The following PGBD5 variants were observed in gnomAD, a reference collection of about 807,000 sequenced individuals.
PGBD5 encodes piggyBac transposable element-derived protein 5.
In PGBD5, 14 loss-of-function variants were observed where a neutral mutation model predicts 47.9. The ratio of observed to expected loss-of-function variants is 0.29; its 90% CI spans 0.19 to 0.46. The LOEUF (loss-of-function observed/expected upper bound fraction) is 0.46, where lower values mean the gene tolerates loss of function less well. Among genes scored for constraint, PGBD5 ranks in the 20% least tolerant of loss-of-function variants. The pLI, the probability that PGBD5 is intolerant of heterozygous loss-of-function variation, is 1.00. For missense variants in PGBD5, 635 were observed against 716.0 expected (o/e 0.89, Z 1.29); for synonymous variants, 316 against 306.3 (o/e 1.03, Z -0.33).
rs1443476321 is a variant in PGBD5 at position 230,323,191 on chromosome 1, TCATCA to T, written c.*229_*233del. 1.8e-6 allele frequency: 1 copy of T among 543,288 alleles called. No homozygotes were observed. The highest frequency in any genetic ancestry group is 1.9e-5 in the African/African-American group (1 of 52,888). The allele number at this position is 543,288 out of a possible 1,614,324, so 33.7% of individuals were successfully genotyped here. A position where few individuals can be genotyped will look rare whatever the true frequency, so the allele number is the denominator to read the frequency against. ...CCCTTGAGAACGTGGGTGTAAGTGCTCATCACACCGGCGGCACTGTTTCTCGAGGG... is the reference window on the plus strand; with the variant it reads ...CCCTTGAGAACGTGGGTGTAAGTGCTCACCGGCGGCACTGTTTCTCGAGGG... On this transcript the variant is annotated 3_prime_UTR_variant, in exon 7 of 7. Coordinates refer to ENST00000391860, the MANE Select transcript of PGBD5 (RefSeq NM_001258311.2). The surrounding 1 kb of genome is among the most constrained non-coding windows in gnomAD (Gnocchi z 4.1).
At chr1:230,338,273 G>A (rs1378368088) in intron 3 of PGBD5, among the ~76,000 whole-genome samples, 4 of 152,250 alleles carry the variant, frequency 2.6e-5, no homozygotes, top group Non-Finnish European at 2.9e-5. Context: ...TAGTTCTGTA[G>A]GCTGGAGGTC....
intron 2 of PGBD5, among the ~76,000 whole-genome samples, chr1:230,356,510 C>T (rs1667647727): frequency 1.3e-5 from 2 of 152,166 alleles, no homozygotes; most frequent in Admixed American, 6.5e-5. Flanking sequence ...ACCCAGGAGG[C>T]TTCTAGCCTC....
intron 1 of PGBD5, among the ~76,000 whole-genome samples, chr1:230,390,488 T>C (rs1237108581): frequency 1.3e-5 from 2 of 152,248 alleles, no homozygotes; most frequent in Admixed American, 1.3e-4. Flanking sequence ...TGTTTGACAA[T>C]AGTTGTGTTA....
chr1:230,370,250 G>A (rs185307756), intron 1 of PGBD5, among the ~76,000 whole-genome samples: 54 of 152,332 alleles, frequency 3.5e-4, no homozygotes, highest in Admixed American at 3.5e-3. Context: ...CCTCCAGGCT[G>A]TTGGCACCAT....
rs1194553206 is a variant in PGBD5 at position 230,318,579 on chromosome 1, A to G, written c.*4846T>C. On this transcript the variant is annotated 3_prime_UTR_variant, in exon 7 of 7. Transcript: ENST00000391860. Reference sequence around the variant, plus strand: ...ACTTCTTTCGTTTGGAACTCCCACTACACAAGGCTAAGGCTTTCCACAGCC... The same window carrying G: ...ACTTCTTTCGTTTGGAACTCCCACTGCACAAGGCTAAGGCTTTCCACAGCC... 1.3e-5 allele frequency: 2 copies of G among 152,354 alleles called. No homozygotes were observed. The highest frequency in any genetic ancestry group is 2.9e-5 in the Non-Finnish European group (2 of 68,054). The allele number at this position is 152,354 out of a possible 1,614,324, so 9.4% of individuals were successfully genotyped here.
intron 1 of PGBD5, among the ~76,000 whole-genome samples, chr1:230,405,451 T>C (rs999592565): frequency 6.6e-6 from 1 of 152,240 alleles, no homozygotes; most frequent in Non-Finnish European, 1.5e-5. Flanking sequence ...ATAATATTTT[T>C]TTCTCTAGCT....
rs1667668465 is a variant in PGBD5 at position 230,357,399 on chromosome 1, C to T, written c.332-78G>A. On this transcript the variant is annotated intron_variant, in intron 1 of 6. Coordinates refer to ENST00000391860, the MANE Select transcript of PGBD5 (RefSeq NM_001258311.2). This position sits in a 1 kb window ranked among gnomAD's most constrained non-coding sequence, Gnocchi z 5.7. ...CTCGACACGAGAACGGCTGCATTTCCAATCCCTGGGTCCCTGGCCGAGTGC... is the reference window on the plus strand; with the variant it reads ...CTCGACACGAGAACGGCTGCATTTCTAATCCCTGGGTCCCTGGCCGAGTGC... 6.7e-7 allele frequency: 1 copy of T among 1,491,310 alleles called. No homozygotes were observed. The allele number at this position is 1,491,310 out of a possible 1,614,324, so 92.4% of individuals were successfully genotyped here. A position where few individuals can be genotyped will look rare whatever the true frequency, so the allele number is the denominator to read the frequency against.
At chr1:230,345,487 C>A (rs553961944) in intron 3 of PGBD5, among the ~76,000 whole-genome samples, 2 of 152,336 alleles carry the variant, frequency 1.3e-5, no homozygotes, top group South Asian at 4.1e-4. Context: ...GCTCACAAGC[C>A]CTCTGCAAAC....
In PGBD5 at chr1:230,317,211, G is replaced by A. The variant is rs1433211379; in HGVS notation, c.*6214C>T. Reference sequence around the variant, plus strand: ...CCCTCAAGGGCACAGACCACGTTGGGGTAACACGTGCCCAGTTCTTAGCAC... The same window carrying A: ...CCCTCAAGGGCACAGACCACGTTGGAGTAACACGTGCCCAGTTCTTAGCAC... On this transcript the variant is annotated 3_prime_UTR_variant, in exon 7 of 7. Transcript: ENST00000391860. The A allele has an allele frequency of 6.6e-6, 1 of 152,244 alleles. No individual in the cohort carries two copies. Among genetic ancestry groups the A allele is most frequent in the East Asian group, 1.9e-4 (1 of 5,184 alleles). The allele number at this position is 152,244 out of a possible 1,614,324, so 9.4% of individuals were successfully genotyped here. A position where few individuals can be genotyped will look rare whatever the true frequency, so the allele number is the denominator to read the frequency against.
At chr1:230,414,089 A>C (rs947603656) in intron 1 of PGBD5, among the ~76,000 whole-genome samples, 5 of 152,186 alleles carry the variant, frequency 3.3e-5, no homozygotes, top group Non-Finnish European at 5.9e-5. Context: ...GTTTGGGATT[A>C]CGAACATTGG....
intron 2 of PGBD5, among the ~76,000 whole-genome samples, chr1:230,354,369 G>A (rs1035371372): frequency 6.6e-6 from 1 of 152,086 alleles, no homozygotes; most frequent in African/African-American, 2.4e-5. Context: ...GAGGCCTGGA[G>A]GTCAGCTTCT....
intron 6 of PGBD5, among the ~76,000 whole-genome samples, 164 bp downstream of exon 6, chr1:230,325,146 C>T (rs1462307226): frequency 2.6e-5 from 4 of 152,202 alleles, no homozygotes; most frequent in Admixed American, 1.3e-4. Context: ...CATGTGTGCA[C>T]AGGCGAGGCC....
Position 230,369,547 on chromosome 1 carries a change from C to T in PGBD5, c.332-12226G>A, listed in dbSNP as rs575658636. 2.6e-5 allele frequency among the ~76,000 whole-genome samples: 4 copies of T among 152,330 alleles called. No individual in the cohort carries two copies. The South Asian group carries it at 6.2e-4, about 24-fold the overall frequency. On this transcript the variant is annotated intron_variant, in intron 1 of 6. Coordinates refer to ENST00000391860, the MANE Select transcript of PGBD5 (RefSeq NM_001258311.2). ...ATGCCAGTCACCTGCCAAAGGTGCG[C>T]AGCCCTGCTCTGATTGACCCCACAC...
intron 1 of PGBD5, among the ~76,000 whole-genome samples, chr1:230,382,640 G>A (rs568661086): frequency 5.3e-5 from 8 of 152,314 alleles, no homozygotes; most frequent in African/African-American, 1.9e-4. Flanking sequence ...AAACTAGGGT[G>A]GTTGGTCACC....
Position 230,387,828 on chromosome 1 carries a change from AG to A in PGBD5, c.332-30508del, listed in dbSNP as rs576489542. On this transcript the variant is annotated intron_variant, in intron 1 of 6. Transcript: ENST00000391860. Reference sequence around the variant, plus strand: ...CTCGGGCCTGCAATTGCATTCCAAAAGGTAAGGAGGTATCGGCCAAGCAGAT... The same window carrying A: ...CTCGGGCCTGCAATTGCATTCCAAAAGTAAGGAGGTATCGGCCAAGCAGAT... Among the ~76,000 whole-genome samples, 809 of 152,292 alleles carry A rather than the reference AG, an allele frequency of 5.3e-3. 4 individuals are homozygous for A. Among genetic ancestry groups the A allele is most frequent in the South Asian group, 0.025 (120 of 4,824 alleles).
chr1:230,368,909 AAC>A (rs1160369525), intron 1 of PGBD5, among the ~76,000 whole-genome samples: 2 of 152,274 alleles, frequency 1.3e-5, no homozygotes, highest in Admixed American at 6.5e-5. Context: ...AGTGAGGTTC[AAC>A]ACACAGTCTC....
intron 1 of PGBD5, chr1:230,377,750 CTG>C: frequency 7.2e-7 from 1 of 1,390,418 alleles, no homozygotes; most frequent in African/African-American, 1.5e-5. Flanking sequence ...AAATGAAATA[CTG>C]TGCATAAAGC....
intron 5 of PGBD5, among the ~76,000 whole-genome samples, chr1:230,331,532 G>C (rs1667214839): frequency 6.6e-6 from 1 of 152,130 alleles, no homozygotes; most frequent in African/African-American, 2.4e-5. Flanking sequence ...CTGGAGTCTG[G>C]AAGTTCAACC....
chr1:230,358,790 G>A (rs553695332), intron 1 of PGBD5, among the ~76,000 whole-genome samples: 7 of 152,286 alleles, frequency 4.6e-5, no homozygotes, highest in Non-Finnish European at 7.3e-5. Flanking sequence ...GTCTAGGAGC[G>A]ATAGGCTATG....
Sources: allele counts gnomAD v4.1 joint callset (sites outside exome capture counted in the v4.1 genomes callset), GRCh38; gene constraint gnomAD v4.1.1; non-coding constraint Gnocchi (gnomAD v3.1); transcripts MANE v1.5; gene names NCBI Gene and HGNC (gene_info 2026-07-23, HGNC 2026-07-21).